Variants in PGAP3 observed in about 807,000 individuals in gnomAD.
PGAP3 encodes the protein post-GPI attachment to proteins phospholipase 3.
Under a neutral mutation model 40.3 loss-of-function variants are expected in PGAP3, and 31 were observed. That is an observed-to-expected ratio of 0.77 (90% CI 0.58 to 1.04). The LOEUF (loss-of-function observed/expected upper bound fraction) is 1.04. Among genes scored for constraint, PGAP3 ranks in the 50% least tolerant of loss-of-function variants. PGAP3 has a pLI of 0.00. For missense variants in PGAP3, 413 were observed against 423.0 expected (o/e 0.98, Z 0.21); for synonymous variants, 191 against 184.5 (o/e 1.04, Z -0.29).
rs1281714913 is a variant in PGAP3 at position 39,674,504 on chromosome 17, T to G, written c.495+113A>C. 12 of 1,184,914 alleles carry G rather than the reference T, an allele frequency of 1.0e-5. No homozygotes were observed. In the East Asian group the frequency reaches 3.1e-4, roughly 31 times the overall value. The allele number at this position is 1,184,914 out of a possible 1,614,324, so 73.4% of individuals were successfully genotyped here. On this transcript the variant is annotated intron_variant, in intron 4 of 7. Transcript: ENST00000300658. ...CAGGTTTAGGATGCCCACCCCATAC[T>G]CCTCCCAGTGCTCCTCAGAGGGAGT...
At position 39,687,836 on chromosome 17, in the gene PGAP3, G is replaced by T; in HGVS notation, c.179C>A (p.Ala60Glu). 6.8e-7 allele frequency: 1 copy of T among 1,475,318 alleles called. No homozygotes were observed. Among genetic ancestry groups the T allele is most frequent in the Non-Finnish European group, 9.1e-7 (1 of 1,097,260 alleles). The allele number at this position is 1,475,318 out of a possible 1,614,324, so 91.4% of individuals were successfully genotyped here. Residue 60 changes from alanine to glutamate, a missense_variant and splice_region_variant, in exon 1 of 8, where the codon GCA (alanine) becomes GAA (glutamate). By Grantham distance (107) the Ala-to-Glu change is moderately radical (BLOSUM62 -1). Coordinates refer to ENST00000300658, the MANE Select transcript of PGAP3 (RefSeq NM_033419.5). ...RSRQPIYMSL[A>E]GWTCRDDCKY... ...CTTACCGTGGGGGTGGGGCTTACCT[G>T]CTAGACTCATGTAGATTGGCTGGCG...
intron 4 of PGAP3, 55 bp downstream of exon 4, chr17:39,674,562 T>C: frequency 6.6e-7 from 1 of 1,506,200 alleles, no homozygotes; most frequent in South Asian, 1.2e-5. Flanking sequence ...TCTGCCCACT[T>C]CTGGGCTCCT....
intron 6 of PGAP3, 21 bp from the exon 7 acceptor site, chr17:39,673,276 G>A: frequency 6.4e-7 from 1 of 1,555,164 alleles, no homozygotes; most frequent in Non-Finnish European, 8.7e-7. Flanking sequence ...GTGGGGGCAG[G>A]AGAGACTCAT....
In PGAP3 at chr17:39,687,904, T is replaced by C; in HGVS notation, c.111A>G (p.Glu37=). 6.6e-7 allele frequency: 1 copy of C among 1,520,768 alleles called. No homozygotes were observed. The highest frequency in any genetic ancestry group is 8.9e-7 in the Non-Finnish European group (1 of 1,125,192). 94.2% of individuals were successfully genotyped at this position (1,520,768 alleles called of 1,614,324 possible). A position where few individuals can be genotyped will look rare whatever the true frequency, so the allele number is the denominator to read the frequency against. The change falls in exon 1 of 8, where the codon GAA becomes GAG. Residue 37 remains glutamate, a synonymous_variant. Transcript: ENST00000300658. ...GAGCGCCCCCAGAGCAGTTCTGCTC[T>C]TCGCACTGCAGTACGCAGTCGCGGT... is the stretch of plus-strand genomic sequence containing the variant. The part of the protein sequence containing the change: ...PVYRDCVLQC[E]EQNCSGGALN...
In PGAP3 at chr17:39,672,546, C is replaced by T. The variant is rs2057320217; in HGVS notation, c.*257G>A. 1.4e-5 allele frequency: 8 copies of T among 564,798 alleles called. No individual in the cohort carries two copies. Among genetic ancestry groups the T allele is most frequent in the Non-Finnish European group, 2.2e-5 (7 of 314,558 alleles). The allele number at this position is 564,798 out of a possible 1,614,324, so 35.0% of individuals were successfully genotyped here. A position where few individuals can be genotyped will look rare whatever the true frequency, so the allele number is the denominator to read the frequency against. ...GGTAGAGCTAAGAGCACACTCAGTT[C>T]CACCCCAGTTCAGCTCCAGGAGGTA... is the stretch of plus-strand genomic sequence containing the variant. On this transcript the variant is annotated 3_prime_UTR_variant, in exon 8 of 8. Transcript: ENST00000300658.
At chr17:39,679,370 C>G (rs2057412412) in intron 3 of PGAP3, among the ~76,000 whole-genome samples, 1 of 152,204 alleles carries the variant, frequency 6.6e-6, no homozygotes, top group Non-Finnish European at 1.5e-5. Context: ...ATCCAAGAAT[C>G]AGGGATGACA....
intron 3 of PGAP3, among the ~76,000 whole-genome samples, chr17:39,681,995 C>T (rs1324788944): frequency 6.6e-6 from 1 of 151,352 alleles, no homozygotes; most frequent in Non-Finnish European, 1.5e-5. Flanking sequence ...CCGAGGCAGG[C>T]GGATCACGAG....
intron 1 of PGAP3, 31 bp from the exon 2 acceptor site, chr17:39,686,050 C>A (rs1218190811): frequency 6.3e-7 from 1 of 1,581,492 alleles, no homozygotes; most frequent in Non-Finnish European, 8.7e-7. Context: ...CTGGTGAACT[C>A]CCCAGCACAG....
At chr17:39,674,559 A>G in intron 4 of PGAP3, 58 bp downstream of exon 4, 1 of 1,498,088 alleles carries the variant, frequency 6.7e-7, no homozygotes, top group Non-Finnish European at 9.1e-7. Flanking sequence ...CCCTCTGCCC[A>G]CTTCTGGGCT....
intron 1 of PGAP3, among the ~76,000 whole-genome samples, chr17:39,686,604 G>C (rs1403199784): frequency 2.2e-5 from 3 of 139,116 alleles, no homozygotes; most frequent in Non-Finnish European, 4.5e-5. Context: ...CTTTCATCCA[G>C]GCTGGAGTGC....
rs1209975944 is a variant in PGAP3, at chr17:39,671,845, G to A, written c.*958C>T. 6.6e-6 allele frequency: 1 copy of A among 152,448 alleles called. No homozygotes were observed. Among genetic ancestry groups the A allele is most frequent in the Non-Finnish European group, 1.5e-5 (1 of 68,050 alleles). 9.4% of individuals were successfully genotyped at this position (152,448 alleles called of 1,614,324 possible). A position where few individuals can be genotyped will look rare whatever the true frequency, so the allele number is the denominator to read the frequency against. Reference sequence around the variant, plus strand: ...CTTGGGCAGAGCTGGCGCTCCACAAGTGATTATTGATGGTGACAGGATTCC... The same window carrying A: ...CTTGGGCAGAGCTGGCGCTCCACAAATGATTATTGATGGTGACAGGATTCC... On this transcript the variant is annotated 3_prime_UTR_variant, in exon 8 of 8. Transcript: ENST00000300658.
In PGAP3 at chr17:39,673,191, C is replaced by T. The variant is rs1450688972; in HGVS notation, c.759G>A (p.Val253=). 6.4e-7 allele frequency: 1 copy of T among 1,573,210 alleles called. No individual in the cohort carries two copies. Among genetic ancestry groups the T allele is most frequent in the South Asian group, 1.2e-5 (1 of 86,106 alleles). ...GCAAGACCACCACCACGCACTTGCG[C>T]ACGTGAGGCAGCCGCCGCTGGTTCC... ...CLWNQRRLPH[V]RKCVVVVLLL... is the part of the protein sequence containing the mutation. The change falls in exon 7 of 8, where the codon GTG becomes GTA. Residue 253 remains valine (V), a synonymous_variant. Transcript: ENST00000300658.
chr17:39,679,814 T>G (rs1191544747), intron 3 of PGAP3, among the ~76,000 whole-genome samples: 1 of 152,144 alleles, frequency 6.6e-6, no homozygotes, highest in African/African-American at 2.4e-5. Flanking sequence ...ACAGCTACAA[T>G]GGGGCCAAGG....
chr17:39,672,695 C>A lies in PGAP3; in HGVS notation c.*108G>T. ...ATTCTGGGCCCACATCCTTCATGTC[C>A]AAGTTCAAGAAGTTGAAAAGAGAAA... On this transcript the variant is annotated 3_prime_UTR_variant, in exon 8 of 8. Coordinates refer to ENST00000300658, the MANE Select transcript of PGAP3 (RefSeq NM_033419.5). The A allele has an allele frequency of 8.6e-7, 1 of 1,166,100 alleles. No homozygotes were observed. The highest frequency in any genetic ancestry group is 1.2e-6 in the Non-Finnish European group (1 of 800,470). 72.2% of individuals were successfully genotyped at this position (1,166,100 alleles called of 1,614,324 possible).
rs2057317749 is a variant in PGAP3, at chr17:39,672,368, G to A, written c.*435C>T. ...AGCACCACCTAGTGGTGTCCTGGAG[G>A]AGGGTGGGGGGTGGTAACAGAAGGG... On this transcript the variant is annotated 3_prime_UTR_variant, in exon 8 of 8. Coordinates refer to ENST00000300658, the MANE Select transcript of PGAP3 (RefSeq NM_033419.5). The A allele has an allele frequency of 4.7e-6, 1 of 212,266 alleles. No homozygotes were observed. Among genetic ancestry groups the A allele is most frequent in the Non-Finnish European group, 9.5e-6 (1 of 105,130 alleles). 13.1% of individuals were successfully genotyped at this position (212,266 alleles called of 1,614,324 possible).
chr17:39,681,626 A>G (rs1399724904), intron 3 of PGAP3, among the ~76,000 whole-genome samples: 1 of 152,050 alleles, frequency 6.6e-6, no homozygotes, highest in Non-Finnish European at 1.5e-5. Context: ...TTCCTGCCTC[A>G]GCCTCCCAAG....
intron 4 of PGAP3, 57 bp from the exon 5 acceptor site, chr17:39,674,111 C>A (rs371598598): frequency 3.2e-6 from 5 of 1,558,152 alleles, no homozygotes; most frequent in Non-Finnish European, 3.5e-6. Context: ...AGAGGACCCG[C>A]GGGGATGGGG....
intron 7 of PGAP3, 53 bp from the exon 8 acceptor site, chr17:39,672,919 G>A: frequency 6.3e-7 from 1 of 1,599,736 alleles, no homozygotes; most frequent in Non-Finnish European, 8.6e-7. Flanking sequence ...CAGCTCGCAT[G>A]GAGACAAGGG....
intron 7 of PGAP3, 82 bp from the exon 8 acceptor site, chr17:39,672,948 G>A: frequency 1.3e-6 from 2 of 1,582,478 alleles, no homozygotes; most frequent in Non-Finnish European, 1.7e-6. Flanking sequence ...ATGCAGGCAA[G>A]GTGGGAGGGG....
Sources: allele counts gnomAD v4.1 joint callset (sites outside exome capture counted in the v4.1 genomes callset), GRCh38; gene constraint gnomAD v4.1.1; transcripts MANE v1.5; gene names NCBI Gene and HGNC (gene_info 2026-07-23, HGNC 2026-07-21).